Variants in LURAP1 observed in about 807,000 individuals in gnomAD.
LURAP1 encodes the protein NF-kappa-B activator C1orf190.
Under a neutral mutation model 19.0 loss-of-function variants are expected in LURAP1, and 14 were observed. The observed-to-expected ratio is 0.74, with a 90% CI of 0.49 to 1.15. LURAP1 has a LOEUF of 1.15. LURAP1 is among the 50% of genes most tolerant of loss of function. The pLI is 0.00. For synonymous variants in LURAP1, 129 were observed against 131.8 expected (o/e 0.98, Z 0.14); for missense variants, 273 against 309.1 (o/e 0.88, Z 0.87).
rs952171609 is a variant in LURAP1 at position 46,220,612 on chromosome 1, T to G, written c.*392T>G. 1 of 149,482 alleles carries G rather than the reference T, an allele frequency of 6.7e-6. No individual in the cohort carries two copies. The highest frequency in any genetic ancestry group is 2.6e-5 in the African/African-American group (1 of 38,678). The allele number at this position is 149,482 out of a possible 1,614,324, so 9.3% of individuals were successfully genotyped here. On this transcript the variant is annotated 3_prime_UTR_variant, in exon 2 of 2. Transcript: ENST00000371980. The stretch of plus-strand genomic sequence containing the variant: ...GCCCAGCTAATTGTTTATTTATTTA[T>G]TTTTTTTTTGTAGAGATAGGGTTTC...
chr1:46,206,868 A>T (rs755407626), intron 1 of LURAP1, among the ~76,000 whole-genome samples: 1 of 152,200 alleles, frequency 6.6e-6, no homozygotes, highest in African/African-American at 2.4e-5. Context: ...GGGAGCTCAC[A>T]GTCTGGTTAG....
rs544063149 is a variant in LURAP1, at chr1:46,210,377, G to C, written c.198+6753G>C. On this transcript the variant is annotated intron_variant, in intron 1 of 1. Transcript: ENST00000371980. ...CTTCCCACCAGCAAGCAAGCAATCA[G>C]TTCTGCAGCAGATACCAGCTGGGTG... Among the ~76,000 whole-genome samples the C allele has an allele frequency of 3.9e-5, 6 of 152,026 alleles. No homozygotes were observed. In the East Asian group the frequency reaches 1.2e-3, roughly 29 times the overall value.
At chr1:46,215,060 A>G (rs1034262710) in intron 1 of LURAP1, among the ~76,000 whole-genome samples, 12 of 151,938 alleles carry the variant, frequency 7.9e-5, no homozygotes, top group African/African-American at 2.9e-4. Flanking sequence ...CCCTGTCTGT[A>G]CTAAAGATAC....
chr1:46,219,939 T>G lies in LURAP1; in HGVS notation c.439T>G (p.Phe147Val), dbSNP rs748916612. ...GCTGGACAGTGTCTCTATTGGCAGC[T>G]TCCTGGACACAGTGGCCCCCAGCGA... ...DRLDSVSIGS[F>V]LDTVAPSELD... Residue 147 changes from phenylalanine (F) to valine (V), a missense_variant, in exon 2 of 2, where the codon TTC (phenylalanine) becomes GTC (valine). Physicochemically the swap from Phe to Val is conservative, Grantham distance 50. Coordinates refer to ENST00000371980, the MANE Select transcript of LURAP1 (RefSeq NM_001013615.3). 8.1e-6 allele frequency: 13 copies of G among 1,614,246 alleles called. No homozygotes were observed. In the South Asian group the frequency reaches 1.4e-4, roughly 18 times the overall value.
intron 1 of LURAP1, among the ~76,000 whole-genome samples, chr1:46,210,074 T>C (rs1403221933): frequency 6.6e-6 from 1 of 152,194 alleles, no homozygotes; most frequent in African/African-American, 2.4e-5. Flanking sequence ...CATCTCCCCT[T>C]ATTGAGACTG....
chr1:46,209,672 AGCT>A (rs1658832703), intron 1 of LURAP1, among the ~76,000 whole-genome samples: 1 of 150,576 alleles, frequency 6.6e-6, no homozygotes. Flanking sequence ...GCCACCACAC[AGCT>A]AATTTTTGTA....
At position 46,214,004 on chromosome 1, in the gene LURAP1, AAAG is replaced by A. The variant is rs560180032; in HGVS notation, c.199-5693_199-5691del. On this transcript the variant is annotated intron_variant, in intron 1 of 1. Transcript: ENST00000371980. ...CCACTCTGAAGGGTGAGCAGCAGTT[AAAG>A]ATGATAGACATCTGACCCTCTATAT... 2.9e-4 allele frequency among the ~76,000 whole-genome samples: 44 copies of A among 152,302 alleles called. No homozygotes were observed. The East Asian group carries it at 6.6e-3, about 23-fold the overall frequency.
rs1659202270 is a variant in LURAP1 at position 46,220,349 on chromosome 1, G to GCT, written c.*131_*132dup. 10 of 1,006,284 alleles carry GCT rather than the reference G, an allele frequency of 9.9e-6. No individual in the cohort carries two copies. The South Asian group carries it at 1.5e-4, about 15-fold the overall frequency. 62.3% of individuals were successfully genotyped at this position (1,006,284 alleles called of 1,614,324 possible). A position where few individuals can be genotyped will look rare whatever the true frequency, so the allele number is the denominator to read the frequency against. On this transcript the variant is annotated 3_prime_UTR_variant, in exon 2 of 2. Coordinates refer to ENST00000371980, the MANE Select transcript of LURAP1 (RefSeq NM_001013615.3). Reference sequence around the variant, plus strand: ...TGAAATCAGTTACCATGGAAACCTGGCTCATCATTTCTCTAGTCCCTAGGG... The same window carrying GCT: ...TGAAATCAGTTACCATGGAAACCTGGCTCTCATCATTTCTCTAGTCCCTAGGG...
At chr1:46,210,926 T>TA (rs1474341598) in intron 1 of LURAP1, among the ~76,000 whole-genome samples, 1 of 150,770 alleles carries the variant, frequency 6.6e-6, no homozygotes, top group Non-Finnish European at 1.5e-5. Context: ...AGGTGTGCAA[T>TA]ACCACACTCA....
chr1:46,217,849 C>T (rs1291958631), intron 1 of LURAP1, among the ~76,000 whole-genome samples: 1 of 152,016 alleles, frequency 6.6e-6, no homozygotes, highest in East Asian at 1.9e-4. Flanking sequence ...AAGAGAGAAA[C>T]TCTGTCTCAA....
chr1:46,206,773 A>G (rs1658729920), intron 1 of LURAP1, among the ~76,000 whole-genome samples: 1 of 152,216 alleles, frequency 6.6e-6, no homozygotes, highest in Admixed American at 6.5e-5. Flanking sequence ...CAAGGATAGT[A>G]AAGGCAAGAG....
In LURAP1 at chr1:46,220,324, T is replaced by A; in HGVS notation, c.*104T>A. 1 of 1,236,666 alleles carries A rather than the reference T, an allele frequency of 8.1e-7. No homozygotes were observed. Among genetic ancestry groups the A allele is most frequent in the Non-Finnish European group, 1.1e-6 (1 of 895,708 alleles). The allele number at this position is 1,236,666 out of a possible 1,614,324, so 76.6% of individuals were successfully genotyped here. A position where few individuals can be genotyped will look rare whatever the true frequency, so the allele number is the denominator to read the frequency against. On this transcript the variant is annotated 3_prime_UTR_variant, in exon 2 of 2. Transcript: ENST00000371980. ...GTCTGAGACTAGGAAGAGGCTGCACTGAAATCAGTTACCATGGAAACCTGG... is the reference window on the plus strand; with the variant it reads ...GTCTGAGACTAGGAAGAGGCTGCACAGAAATCAGTTACCATGGAAACCTGG...
At chr1:46,211,018 G>A (rs1002892835) in intron 1 of LURAP1, among the ~76,000 whole-genome samples, 1 of 150,686 alleles carries the variant, frequency 6.6e-6, no homozygotes, top group South Asian at 2.1e-4. Flanking sequence ...GGGATCAAGC[G>A]ATCCTCCCAC....
intron 1 of LURAP1, among the ~76,000 whole-genome samples, chr1:46,209,206 T>C (rs892641127): frequency 2.0e-5 from 3 of 152,130 alleles, no homozygotes; most frequent in Admixed American, 6.6e-5. Context: ...GTATTTTTCG[T>C]AGAGATGGGG....
chr1:46,219,575 C>T (rs1276064922), intron 1 of LURAP1, 124 bp from the exon 2 acceptor site: 17 of 1,059,278 alleles, frequency 1.6e-5, no homozygotes, highest in South Asian at 5.3e-5. Context: ...CACTGCAAGC[C>T]GTTATAATTC....
intron 1 of LURAP1, among the ~76,000 whole-genome samples, chr1:46,207,240 C>G (rs2148238651): frequency 6.6e-6 from 1 of 152,226 alleles, no homozygotes; most frequent in South Asian, 2.1e-4. Flanking sequence ...GCCACCACAC[C>G]TAGCTAGCTT....
intron 1 of LURAP1, 113 bp downstream of exon 1, chr1:46,203,737 A>G: frequency 1.0e-6 from 1 of 998,212 alleles, no homozygotes; most frequent in East Asian, 2.9e-5. Context: ...CTCTCCACCT[A>G]ACTGCTCAGA....
intron 1 of LURAP1, among the ~76,000 whole-genome samples, chr1:46,217,771 C>T (rs1022560447): frequency 2.6e-5 from 4 of 152,190 alleles, no homozygotes; most frequent in South Asian, 2.1e-4. Flanking sequence ...GCAAGAGAAT[C>T]GCTTGAACCC....
chr1:46,215,555 G>C lies in LURAP1; in HGVS notation c.199-4144G>C, dbSNP rs79220794. ...AATGGGAAAAGGGTCACATACAAAG[G>C]ATCAGGGATTGGAATGGCATTAGAT... is the stretch of plus-strand genomic sequence containing the variant. On this transcript the variant is annotated intron_variant, in intron 1 of 1. Transcript: ENST00000371980. Among the ~76,000 whole-genome samples, 162 of 152,272 alleles carry C rather than the reference G, an allele frequency of 1.1e-3. 2 individuals are homozygous for C. The South Asian group carries it at 0.017, about 16-fold the overall frequency.
Sources: gnomAD v4.1 joint callset for allele counts (sites outside exome capture counted in the v4.1 genomes callset) on GRCh38, gnomAD v4.1.1 for gene constraint, MANE v1.5 for transcripts, NCBI Gene and HGNC (gene_info 2026-07-23, HGNC 2026-07-21) for gene names.